ORC6: variants seen among roughly 807,000 people sequenced by gnomAD.
ORC6 encodes origin recognition complex subunit 6.
ORC6 carries 31 observed loss-of-function variants against 30.0 expected under a neutral mutation model. The observed-to-expected ratio is 1.03, with a 90% CI of 0.78 to 1.40. The LOEUF (loss-of-function observed/expected upper bound fraction) is 1.40, where lower values mean the gene tolerates loss of function less well. ORC6 is among the 40% of genes most tolerant of loss of function. The pLI is 0.00. For synonymous variants in ORC6, 136 were observed against 111.2 expected (o/e 1.22, Z -1.40); for missense variants, 340 against 304.3 (o/e 1.12, Z -0.87).
At chr16:46,692,361 T>C in intron 2 of ORC6, 21 bp from the exon 3 acceptor site, 2 of 1,597,580 alleles carry the variant, frequency 1.3e-6, no homozygotes, top group South Asian at 1.1e-5. Context: ...ATGATTTGTG[T>C]ATGTGTTTTT....
chr16:46,696,538 C>T (rs1056546319), intron 6 of ORC6, among the ~76,000 whole-genome samples: 2 of 152,164 alleles, frequency 1.3e-5, no homozygotes, highest in African/African-American at 4.8e-5. Context: ...TTCCAGTTTG[C>T]TTATAAGAGC....
At chr16:46,692,659 G>A (rs1966459774) in intron 3 of ORC6, 114 bp downstream of exon 3, 6 of 877,616 alleles carry the variant, frequency 6.8e-6, no homozygotes, top group Non-Finnish European at 1.1e-5. Context: ...CATGTGGTCA[G>A]GAGTTCAAGA....
intron 1 of ORC6, 103 bp downstream of exon 1, chr16:46,689,873 A>C: frequency 6.9e-7 from 1 of 1,439,020 alleles, no homozygotes; most frequent in Admixed American, 2.8e-5. Flanking sequence ...CGGGGGAGTG[A>C]CGGGGAGCGC....
intron 6 of ORC6, 52 bp downstream of exon 6, chr16:46,696,137 C>T (rs760340944): frequency 7.1e-6 from 9 of 1,261,330 alleles, no homozygotes; most frequent in Admixed American, 1.7e-5. Flanking sequence ...AGTGAACAGC[C>T]CAGTGCTGCT....
At position 46,692,463 on chromosome 16, in the gene ORC6, A is replaced by G; in HGVS notation, c.277A>G (p.Asn93Asp). The part of the protein sequence containing the change: ...LKSFECLLGL[N>D]SNIGIRDLAV... The stretch of plus-strand genomic sequence containing the variant: ...ATCTTTTGAGTGTTTACTGGGCCTG[A>G]ATTCAAATATTGGAATAAGAGACCT... Residue 93 changes from asparagine to aspartate, a missense_variant, in exon 3 of 7, where the codon AAT (asparagine) becomes GAT (aspartate). By Grantham distance (23) the Asn-to-Asp change is conservative. Coordinates refer to ENST00000219097, the MANE Select transcript of ORC6 (RefSeq NM_014321.4). The G allele has an allele frequency of 6.2e-7, 1 of 1,613,564 alleles. No homozygotes were observed. Among genetic ancestry groups the G allele is most frequent in the African/African-American group, 1.3e-5 (1 of 75,042 alleles).
rs767899119 is a variant in ORC6, at chr16:46,693,131, T to G, written c.398T>G (p.Leu133Arg). The part of the protein sequence containing the change: ...SSLPQTQQVD[L>R]DLSRPLFTSA... ...CTTCCCCAGACACAGCAAGTGGATC[T>G]TGACTTATCCAGGCCACTTTTCACT... Residue 133 changes from leucine to arginine, a missense_variant, in exon 4 of 7, where the codon CTT (leucine) becomes CGT (arginine). By Grantham distance (102) the Leu-to-Arg change is moderately radical (BLOSUM62 -2). Coordinates refer to ENST00000219097, the MANE Select transcript of ORC6 (RefSeq NM_014321.4). The G allele has an allele frequency of 6.2e-7, 1 of 1,613,254 alleles. No homozygotes were observed. Among genetic ancestry groups the G allele is most frequent in the South Asian group, 1.1e-5 (1 of 91,066 alleles).
In ORC6 at chr16:46,698,163, A is replaced by AGATAGATAGATGGATAGATG. The variant is rs1188757912; in HGVS notation, c.*589_*590insGGATAGATGGATAGATAGAT. The stretch of plus-strand genomic sequence containing the variant: ...GCCTGGGTGACAGAGCGAGACTTAT[A>AGATAGATAGATGGATAGATG]GATAGATAGATAGATAGATGGATAG... On this transcript the variant is annotated 3_prime_UTR_variant, in exon 7 of 7. Coordinates refer to ENST00000219097, the MANE Select transcript of ORC6 (RefSeq NM_014321.4). 5.1e-5 allele frequency: 21 copies of AGATAGATAGATGGATAGATG among 413,862 alleles called. No homozygotes were observed. The East Asian group carries it at 1.5e-3, about 29-fold the overall frequency. 25.6% of individuals were successfully genotyped at this position (413,862 alleles called of 1,614,324 possible).
chr16:46,694,974 A>G (rs182023439), intron 4 of ORC6: 1 of 155,756 alleles, frequency 6.4e-6, no homozygotes, highest in African/African-American at 2.4e-5. Flanking sequence ...CATTTATGGA[A>G]AACATCTCTT....
intron 6 of ORC6, 166 bp downstream of exon 6, chr16:46,696,251 A>G: frequency 1.5e-6 from 1 of 673,232 alleles, no homozygotes; most frequent in Non-Finnish European, 2.7e-6. Flanking sequence ...TAACATCGTT[A>G]TTGGGTAATT....
rs573268744 is a variant in ORC6 at position 46,692,807 on chromosome 16, G to A, written c.359+262G>A. Among the ~76,000 whole-genome samples, 47 of 152,296 alleles carry A rather than the reference G, an allele frequency of 3.1e-4. 1 individual carries two copies. In the South Asian group the frequency reaches 8.3e-3, roughly 27 times the overall value. On this transcript the variant is annotated intron_variant, in intron 3 of 6. Coordinates refer to ENST00000219097, the MANE Select transcript of ORC6 (RefSeq NM_014321.4). Reference sequence around the variant, plus strand: ...TGCTTGAACCCAGGAGGTGGAGGTTGCAGTAAGCCGAGATTGCACCACTGC... The same window carrying A: ...TGCTTGAACCCAGGAGGTGGAGGTTACAGTAAGCCGAGATTGCACCACTGC...
At chr16:46,694,775 G>A (rs1966501510) in intron 4 of ORC6, among the ~76,000 whole-genome samples, 1 of 152,030 alleles carries the variant, frequency 6.6e-6, no homozygotes, top group South Asian at 2.1e-4. Context: ...TGTGTATGCT[G>A]AAATGTTACC....
intron 2 of ORC6, among the ~76,000 whole-genome samples, chr16:46,691,388 A>G (rs549539648): frequency 6.6e-6 from 1 of 151,986 alleles, no homozygotes; most frequent in African/African-American, 2.4e-5. Flanking sequence ...CTCCTTTTAA[A>G]GCACGTATTT....
chr16:46,691,202 A>G lies in ORC6; in HGVS notation c.195+82A>G, dbSNP rs1966434013. ...ACTTTTGGTTGAACTAAACCCTAGT[A>G]AAAACTCTTGTTTTAGAATTGTCCT... On this transcript the variant is annotated intron_variant, in intron 2 of 6. Coordinates refer to ENST00000219097, the MANE Select transcript of ORC6 (RefSeq NM_014321.4). 5 of 1,332,238 alleles carry G rather than the reference A, an allele frequency of 3.8e-6. No individual in the cohort carries two copies. The Admixed American group carries it at 7.0e-5, about 19-fold the overall frequency. The allele number at this position is 1,332,238 out of a possible 1,614,324, so 82.5% of individuals were successfully genotyped here.
At chr16:46,692,043 C>T (rs563863735) in intron 2 of ORC6, among the ~76,000 whole-genome samples, 2 of 151,276 alleles carry the variant, frequency 1.3e-5, no homozygotes, top group South Asian at 4.2e-4. Context: ...ATAAATTACA[C>T]GTTAGCACCT....
intron 2 of ORC6, 81 bp from the exon 3 acceptor site, chr16:46,692,301 C>A: frequency 8.4e-7 from 1 of 1,185,736 alleles, no homozygotes; most frequent in Non-Finnish European, 1.2e-6. Context: ...AGTTATACTG[C>A]TTATTAAACA....
chr16:46,693,123 A>T lies in ORC6; in HGVS notation c.390A>T (p.Gln130His), dbSNP rs372048763. 33 of 1,612,554 alleles carry T rather than the reference A, an allele frequency of 2.0e-5. No homozygotes were observed. Among genetic ancestry groups the T allele is most frequent in the Non-Finnish European group, 2.7e-5 (32 of 1,178,672 alleles). The change falls in exon 4 of 7, where the codon CAA (glutamine) becomes CAT (histidine). Residue 130 changes from glutamine (Q) to histidine (H), a missense_variant. Coordinates refer to ENST00000219097, the MANE Select transcript of ORC6 (RefSeq NM_014321.4). ...AGTCCAGTCTTCCCCAGACACAGCA[A>T]GTGGATCTTGACTTATCCAGGCCAC... The part of the protein sequence containing the change: ...SYESSLPQTQ[Q>H]VDLDLSRPLF...
In ORC6 at chr16:46,694,632, C is replaced by CG. The variant is rs1255501566; in HGVS notation, c.450-924dup. 3.4e-4 allele frequency: 43 copies of CG among 126,326 alleles called. 5 individuals carry two copies. In the East Asian group the frequency reaches 4.7e-3, roughly 14 times the overall value. 7.8% of individuals were successfully genotyped at this position (126,326 alleles called of 1,614,324 possible). On this transcript the variant is annotated intron_variant, in intron 4 of 6. Coordinates refer to ENST00000219097, the MANE Select transcript of ORC6 (RefSeq NM_014321.4). ...GGGGCGGCCGGGGCGGCTGGCCGGG[C>CG]GGGGGGCTGACCCCCCCACAACACT...
In ORC6 at chr16:46,698,300, A is replaced by G. The variant is rs1966545994; in HGVS notation, c.*715A>G. The G allele has an allele frequency of 2.2e-6, 1 of 451,674 alleles. No individual in the cohort carries two copies. The highest frequency in any genetic ancestry group is 4.5e-6 in the Non-Finnish European group (1 of 224,200). 28.0% of individuals were successfully genotyped at this position (451,674 alleles called of 1,614,324 possible). On this transcript the variant is annotated 3_prime_UTR_variant, in exon 7 of 7. Transcript: ENST00000219097. ...TAAAATTCAGTCTGAATGGCATCTT[A>G]CAGATTTTACTTCAATTTTTGTGTA...
At chr16:46,691,958 A>ACAGACACACTCTCTCTCTCTCT in intron 2 of ORC6, among the ~76,000 whole-genome samples, 2 of 36,660 alleles carry the variant, frequency 5.5e-5, no homozygotes, top group Admixed American at 8.0e-4. Flanking sequence ...ACACACACAC[A>ACAGACACACTCTCTCTCTCTCT]CTCTCTCTCT....
Sources: allele counts gnomAD v4.1 joint callset (sites outside exome capture counted in the v4.1 genomes callset), GRCh38; gene constraint gnomAD v4.1.1; transcripts MANE v1.5; gene names NCBI Gene and HGNC (gene_info 2026-07-23, HGNC 2026-07-21).